The following LMBR1 variants were observed in gnomAD, a reference collection of about 807,000 sequenced individuals.
The protein encoded by LMBR1 is limb region 1 protein homolog.
A neutral mutation model predicts 73.9 loss-of-function variants in LMBR1; 52 were observed. The ratio of observed to expected loss-of-function variants is 0.70; its 90% confidence interval spans 0.56 to 0.89. The LOEUF is 0.89. Among genes scored for constraint, LMBR1 ranks in the 40% least tolerant of loss-of-function variants. The pLI, the probability that LMBR1 is intolerant of heterozygous loss-of-function variation, is 0.00. For missense variants in LMBR1, 539 were observed against 579.8 expected (o/e 0.93, Z 0.72); for synonymous variants, 215 against 209.4 (o/e 1.03, Z -0.23).
Position 156,772,826 on chromosome 7 carries a change from C to T in LMBR1, c.424-9031G>A, listed in dbSNP as rs549720239. The stretch of plus-strand genomic sequence containing the variant: ...TTGTGCCACTGCACTTCGGCCTGGA[C>T]GACAAAAAACGAAAAGAGAAGAGAG... On this transcript the variant is annotated intron_variant, in intron 5 of 16. Coordinates refer to ENST00000353442, the MANE Select transcript of LMBR1 (RefSeq NM_022458.4). Among the ~76,000 whole-genome samples, 14 of 137,338 alleles carry T rather than the reference C, an allele frequency of 1.0e-4. No homozygotes were observed. In the East Asian group the frequency reaches 1.3e-3, roughly 12 times the overall value. 90.1% of individuals were successfully genotyped at this position (137,338 alleles called of 152,430 possible).
chr7:156,709,896 ATTTT>A (rs34487923), intron 15 of LMBR1, among the ~76,000 whole-genome samples: 7 of 90,352 alleles, frequency 7.7e-5, no homozygotes, highest in Non-Finnish European at 1.5e-4. Context: ...CAGAAGGTTG[ATTTT>A]TTTTTTTTTT....
intron 15 of LMBR1, among the ~76,000 whole-genome samples, chr7:156,708,563 G>A (rs1478063178): frequency 6.6e-6 from 1 of 152,106 alleles, no homozygotes; most frequent in South Asian, 2.1e-4. Flanking sequence ...GGCAGCCAGT[G>A]GAATTAGGGT....
intron 13 of LMBR1, 26 bp from the exon 14 acceptor site, chr7:156,725,551 T>C (rs750889710): frequency 3.3e-5 from 49 of 1,488,666 alleles, no homozygotes; most frequent in Admixed American, 9.8e-5. Context: ...AAAAAAACTC[T>C]CCAACAGAAT....
chr7:156,818,956 C>T (rs1285044740), intron 4 of LMBR1, among the ~76,000 whole-genome samples: 1 of 152,192 alleles, frequency 6.6e-6, no homozygotes, highest in African/African-American at 2.4e-5. Context: ...CATGGACCCA[C>T]ACTGTGTGAA....
At chr7:156,761,387 A>C (rs944171403) in intron 8 of LMBR1, among the ~76,000 whole-genome samples, 12 of 152,212 alleles carry the variant, frequency 7.9e-5, no homozygotes, top group African/African-American at 2.9e-4. Context: ...ACTAATATAT[A>C]GTGTTTCTAA....
chr7:156,672,498 G>C (rs1029715102), intron 4 of LMBR1, among the ~76,000 whole-genome samples: 1 of 152,178 alleles, frequency 6.6e-6, no homozygotes, highest in African/African-American at 2.4e-5. Context: ...CAGTTGTTCA[G>C]AGCATATGAG....
intron 15 of LMBR1, among the ~76,000 whole-genome samples, chr7:156,696,400 G>T (rs1328105783): frequency 6.6e-6 from 1 of 152,106 alleles, no homozygotes; most frequent in Admixed American, 6.5e-5. Flanking sequence ...ATTAACAAAA[G>T]ATCTTAATAG....
chr7:156,690,155 T>G (rs6959967), intron 15 of LMBR1, among the ~76,000 whole-genome samples: 24,009 of 152,102 alleles, frequency 0.16, 2,516 homozygotes, highest in African/African-American at 0.3. Context: ...AAATTTTTTT[T>G]AACATATACT....
intron 1 of LMBR1, among the ~76,000 whole-genome samples, chr7:156,881,973 A>G (rs1315197711): frequency 6.6e-6 from 1 of 152,202 alleles, no homozygotes; most frequent in Non-Finnish European, 1.5e-5. Flanking sequence ...CTCCCTTCTG[A>G]GTATTTATCC....
intron 1 of LMBR1, among the ~76,000 whole-genome samples, chr7:156,863,233 TC>T: frequency 7.0e-6 from 1 of 143,430 alleles, no homozygotes; most frequent in Non-Finnish European, 1.6e-5. Flanking sequence ...GGAGAGCCAG[TC>T]TGAGTTTCAA....
At chr7:156,783,939 G>A (rs542818806) in intron 5 of LMBR1, among the ~76,000 whole-genome samples, 22 of 151,156 alleles carry the variant, frequency 1.5e-4, no homozygotes, top group African/African-American at 5.1e-4. Flanking sequence ...TAATACCTTC[G>A]TAATTATCAC....
At chr7:156,740,668 G>A (rs996011290) in intron 9 of LMBR1, among the ~76,000 whole-genome samples, 2 of 152,096 alleles carry the variant, frequency 1.3e-5, no homozygotes, top group Non-Finnish European at 2.9e-5. Flanking sequence ...CAAGCATGAA[G>A]GAGAAATAAA....
In LMBR1 at chr7:156,683,446, G is replaced by A. The variant is rs927385452; in HGVS notation, c.*632C>T. The A allele has an allele frequency of 6.6e-6, 1 of 152,542 alleles. No individual in the cohort carries two copies. Among genetic ancestry groups the A allele is most frequent in the African/African-American group, 2.4e-5 (1 of 41,408 alleles). 9.4% of individuals were successfully genotyped at this position (152,542 alleles called of 1,614,324 possible). A position where few individuals can be genotyped will look rare whatever the true frequency, so the allele number is the denominator to read the frequency against. On this transcript the variant is annotated 3_prime_UTR_variant, in exon 17 of 17. Transcript: ENST00000353442. The stretch of plus-strand genomic sequence containing the variant: ...ATTCCTGTGGCTCTCTAAGGCTCCA[G>A]GTTTAAAAGAATTTAGTATTTTCCC...
At chr7:156,731,507 T>C (rs976353993) in intron 10 of LMBR1, among the ~76,000 whole-genome samples, 15 of 152,152 alleles carry the variant, frequency 9.9e-5, no homozygotes, top group African/African-American at 3.6e-4. Flanking sequence ...AGGAAAATCT[T>C]TAAAGCCCTT....
chr7:156,719,028 A>C (rs185625766), intron 15 of LMBR1, among the ~76,000 whole-genome samples: 2 of 152,024 alleles, frequency 1.3e-5, no homozygotes, highest in Non-Finnish European at 2.9e-5. Context: ...ACATGTGTAC[A>C]ATGTGCAGGT....
At chr7:156,796,364 T>C (rs1242109391) in intron 5 of LMBR1, 25 bp downstream of exon 5, 2 of 1,496,024 alleles carry the variant, frequency 1.3e-6, no homozygotes, top group South Asian at 1.2e-5. Context: ...TTAACCAATT[T>C]AATTCCAATA....
intron 9 of LMBR1, among the ~76,000 whole-genome samples, chr7:156,746,466 C>A (rs1263959352): frequency 6.6e-6 from 1 of 152,122 alleles, no homozygotes; most frequent in East Asian, 1.9e-4. Flanking sequence ...ATGTCTAGAC[C>A]ACTCAATGTA....
chr7:156,850,806 A>T (rs1451697254), intron 1 of LMBR1, among the ~76,000 whole-genome samples: 1 of 152,172 alleles, frequency 6.6e-6, no homozygotes, highest in Admixed American at 6.5e-5. Context: ...AATGGTTTGG[A>T]TGTGTGTCCC....
At chr7:156,749,119 C>A (rs1820374246) in intron 9 of LMBR1, among the ~76,000 whole-genome samples, 1 of 152,102 alleles carries the variant, frequency 6.6e-6, no homozygotes, top group Non-Finnish European at 1.5e-5. Flanking sequence ...CAAAGTGGCC[C>A]AGAGTCTGAT....
Sources: gnomAD v4.1 joint callset for allele counts (sites outside exome capture counted in the v4.1 genomes callset) on GRCh38, gnomAD v4.1.1 for gene constraint, MANE v1.5 for transcripts, NCBI Gene and HGNC (gene_info 2026-07-23, HGNC 2026-07-21) for gene names.